The following GGT5 variants were observed in gnomAD, a reference collection of about 807,000 sequenced individuals.
GGT5 encodes gamma-glutamyltransferase 5, also known as glutathione hydrolase 5 proenzyme.
GGT5 carries 50 observed loss-of-function variants against 58.1 expected under a neutral mutation model. That is an observed-to-expected ratio of 0.86 (90% confidence interval 0.69 to 1.09). The LOEUF (loss-of-function observed/expected upper bound fraction) is 1.09, where lower values mean the gene tolerates loss of function less well. Among genes scored for constraint, GGT5 ranks in the 50% least tolerant of loss-of-function variants. The pLI is 0.00. For synonymous variants in GGT5, 370 were observed against 346.1 expected, an observed-to-expected ratio of 1.07 and a Z score of -0.77; for missense variants, 800 against 789.4, an observed-to-expected ratio of 1.01 and a Z score of -0.16.
At chr22:24,233,377 C>G in intron 3 of GGT5, 121 bp downstream of exon 3, 1 of 611,598 alleles carries the variant, frequency 1.6e-6, no homozygotes, top group South Asian at 2.1e-5. Flanking sequence ...CCCACAGGCT[C>G]CGTGTCCCCC....
At chr22:24,232,592 C>A (rs1001367052) in intron 4 of GGT5, among the ~76,000 whole-genome samples, 1 of 152,188 alleles carries the variant, frequency 6.6e-6, no homozygotes, top group African/African-American at 2.4e-5. Context: ...AGCCCAAATC[C>A]ACACCTTGGA....
At chr22:24,230,737 G>C (rs909342003) in intron 6 of GGT5, among the ~76,000 whole-genome samples, 4 of 151,964 alleles carry the variant, frequency 2.6e-5, no homozygotes, top group Admixed American at 2.0e-4. Flanking sequence ...TTCCTACCGC[G>C]ATGCCTACTC....
In GGT5 at chr22:24,225,020, C is replaced by T. The variant is rs1178186014; in HGVS notation, c.1590G>A (p.Val530=). The change falls in exon 11 of 12, where the codon GTG becomes GTA. Residue 530 remains valine (V), a synonymous_variant. Coordinates refer to ENST00000327365, the MANE Select transcript of GGT5 (RefSeq NM_004121.5). ...CCTGGCTGAAGTTGGGCTCGTACTC[C>T]ACACAGCCCTTGCTGTTGACATGCA... ...PILHVNSKGC[V]EYEPNFSQEV... is the part of the protein sequence containing the mutation. The T allele has an allele frequency of 5.6e-6, 9 of 1,596,434 alleles. No individual in the cohort carries two copies. The highest frequency in any genetic ancestry group is 7.7e-6 in the Non-Finnish European group (9 of 1,170,976).
rs2047540878 is a variant in GGT5 at position 24,219,989 on chromosome 22, C to G, written c.1742G>C (p.Gly581Ala). 1 of 1,613,996 alleles carries G rather than the reference C, an allele frequency of 6.2e-7. No individual in the cohort carries two copies. Among genetic ancestry groups the G allele is most frequent in the African/African-American group, 1.3e-5 (1 of 74,934 alleles). The change falls in exon 12 of 12, where the codon GGG becomes GCG. Residue 581 changes from glycine (G) to alanine (A), a missense_variant. Physicochemically the swap from Gly to Ala is moderately conservative, Grantham distance 60. Transcript: ENST00000327365. ...VYAVSDLRKS[G>A]EAAGY ...AGTGTCTTAGTAGCCTGCGGCCTCCCCACTCTTCCTCAGGTCCGAGACGGC... is the reference window on the plus strand; with the variant it reads ...AGTGTCTTAGTAGCCTGCGGCCTCCGCACTCTTCCTCAGGTCCGAGACGGC...
intron 6 of GGT5, among the ~76,000 whole-genome samples, chr22:24,227,240 A>G (rs985756464): frequency 6.6e-6 from 1 of 151,688 alleles, no homozygotes; most frequent in African/African-American, 2.4e-5. Context: ...GTAAGCCATC[A>G]TGCCCCGCCT....
rs760653657 is a variant in GGT5 at position 24,233,854 on chromosome 22, C to G, written c.304+20G>C. 1.9e-6 allele frequency: 3 copies of G among 1,607,868 alleles called. No individual in the cohort carries two copies. On this transcript the variant is annotated intron_variant, in intron 2 of 11. Transcript: ENST00000327365. ...GTGGACAAGCCCATCTTCCCCATGG[C>G]AGTTCACATGTGGGCCCACCTGTTG...
Position 24,232,066 on chromosome 22 carries a change from C to T in GGT5, c.739G>A (p.Asp247Asn). The T allele has an allele frequency of 6.2e-7, 1 of 1,613,512 alleles. No individual in the cohort carries two copies. The highest frequency in any genetic ancestry group is 1.1e-5 in the South Asian group (1 of 91,004). Residue 247 changes from aspartate to asparagine, a missense_variant, in exon 5 of 12, where the codon GAC (aspartate) becomes AAC (asparagine). Asp to Asn is a conservative substitution (Grantham distance 23). Transcript: ENST00000327365. ...TGRLGQMLVE[D>N]IAKEGSQLTL... ...GGAGGCTGACCTTCCTTGGCAATGT[C>T]CTCCACCAGCATCTGGCCCAGCCTC...
Position 24,232,861 on chromosome 22 carries a change from G to A in GGT5, c.558C>T (p.Asn186=). Residue 186 remains asparagine, a synonymous_variant, in exon 4 of 12, where the codon AAC becomes AAT. Coordinates refer to ENST00000327365, the MANE Select transcript of GGT5 (RefSeq NM_004121.5). ...CCTGCAAGGAAGGCCGCAGGATGCT[G>A]TTGTGCAGGAAACGGCTGAGGACAG... ...VAPVLSRFLH[N]SILRPSLQAS... is the part of the protein sequence containing the mutation. The A allele has an allele frequency of 6.4e-7, 1 of 1,573,382 alleles. No individual in the cohort carries two copies. Among genetic ancestry groups the A allele is most frequent in the East Asian group, 2.3e-5 (1 of 43,170 alleles).
intron 1 of GGT5, among the ~76,000 whole-genome samples, chr22:24,240,591 C>T (rs1393702843): frequency 2.0e-5 from 3 of 151,718 alleles, no homozygotes; most frequent in Admixed American, 6.6e-5. Context: ...TAGCATCATG[C>T]GATTCTCCCC....
chr22:24,227,010 G>A (rs768329030), intron 6 of GGT5, among the ~76,000 whole-genome samples: 5 of 142,164 alleles, frequency 3.5e-5, no homozygotes, highest in Admixed American at 1.5e-4. Flanking sequence ...GTGCAATGGC[G>A]CAGTCTCAGC....
intron 11 of GGT5, chr22:24,220,611 A>C (rs2047561549): frequency 2.2e-6 from 1 of 453,710 alleles, no homozygotes; most frequent in Non-Finnish European, 4.4e-6. Flanking sequence ...AAGAAATAAA[A>C]AAAAGCCAGG....
intron 1 of GGT5, among the ~76,000 whole-genome samples, chr22:24,234,967 G>T (rs1380027792): frequency 1.3e-5 from 2 of 151,864 alleles, no homozygotes; most frequent in African/African-American, 4.8e-5. Flanking sequence ...CTGTCCCTGG[G>T]GCACAGGCCT....
intron 1 of GGT5, chr22:24,240,984 C>T (rs1186821856): frequency 6.6e-5 from 10 of 152,050 alleles, no homozygotes; most frequent in African/African-American, 2.2e-4. Context: ...ATGGAGAAAC[C>T]CTGTCTCTAC....
Position 24,227,132 on chromosome 22 carries a change from A to G in GGT5, c.902-365T>C, listed in dbSNP as rs907462208. Among the ~76,000 whole-genome samples the G allele has an allele frequency of 9.2e-5, 14 of 152,134 alleles. No individual in the cohort carries two copies. In the East Asian group the frequency reaches 2.7e-3, roughly 29 times the overall value. ...TACAGCTAATTATTTTTGTATTTTT[A>G]GTAGACAGGATTTCGCCATGTTGTT... On this transcript the variant is annotated intron_variant, in intron 6 of 11. Transcript: ENST00000327365.
chr22:24,238,228 CAAAA>C (rs556769286), intron 1 of GGT5, among the ~76,000 whole-genome samples: 2 of 42,614 alleles, frequency 4.7e-5, no homozygotes. Flanking sequence ...GGCTCCGTCT[CAAAA>C]AAAAAAAAAA....
At position 24,232,870 on chromosome 22, in the gene GGT5, GA is replaced by G; in HGVS notation, c.548del (p.Phe183SerfsTer27). The G allele has an allele frequency of 6.3e-7, 1 of 1,577,788 alleles. No homozygotes were observed. The highest frequency in any genetic ancestry group is 8.6e-7 in the Non-Finnish European group (1 of 1,160,624). Reference sequence around the variant, plus strand: ...AAGGCCGCAGGATGCTGTTGTGCAGGAAACGGCTGAGGACAGGGGCCACCAC... The same window carrying G: ...AAGGCCGCAGGATGCTGTTGTGCAGGAACGGCTGAGGACAGGGGCCACCAC... ...GHVVAPVLSR[F>X]LHNSILRPSL... On this transcript the variant is annotated frameshift_variant, in exon 4 of 12. Coordinates refer to ENST00000327365, the MANE Select transcript of GGT5 (RefSeq NM_004121.5). LOFTEE classifies it high-confidence loss of function.
intron 1 of GGT5, among the ~76,000 whole-genome samples, chr22:24,238,862 TA>T (rs2048217389): frequency 9.9e-5 from 1 of 10,116 alleles, no homozygotes; most frequent in African/African-American, 6.6e-4. Flanking sequence ...ATATTATATA[TA>T]TAATATATAT....
Position 24,244,845 on chromosome 22 carries a change from G to C in GGT5, c.-120C>G. ...AGGTAATTGGACAGATGGACAAACAGGTGGGGGCTGAAGACAGACACGAAG... is the reference window on the plus strand; with the variant it reads ...AGGTAATTGGACAGATGGACAAACACGTGGGGGCTGAAGACAGACACGAAG... On this transcript the variant is annotated 5_prime_UTR_variant, in exon 1 of 12. Coordinates refer to ENST00000327365, the MANE Select transcript of GGT5 (RefSeq NM_004121.5). 2 of 1,447,280 alleles carry C rather than the reference G, an allele frequency of 1.4e-6. No homozygotes were observed. The highest frequency in any genetic ancestry group is 1.4e-5 in the South Asian group (1 of 70,564). 89.7% of individuals were successfully genotyped at this position (1,447,280 alleles called of 1,614,324 possible). A position where few individuals can be genotyped will look rare whatever the true frequency, so the allele number is the denominator to read the frequency against.
chr22:24,225,841 C>A (rs977377508), intron 8 of GGT5, among the ~76,000 whole-genome samples, 189 bp from the exon 9 acceptor site: 3 of 152,168 alleles, frequency 2.0e-5, no homozygotes. Flanking sequence ...CATCAGGGCA[C>A]CCTTCTGAGT....
Sources: gnomAD v4.1 joint callset for allele counts (sites outside exome capture counted in the v4.1 genomes callset) on GRCh38, gnomAD v4.1.1 for gene constraint, MANE v1.5 for transcripts, NCBI Gene and HGNC (gene_info 2026-07-23, HGNC 2026-07-21) for gene names.